PTPRD: variants seen among roughly 807,000 people sequenced by gnomAD.
PTPRD encodes the protein protein tyrosine phosphatase receptor type D.
A neutral mutation model predicts 214.5 loss-of-function variants in PTPRD; 34 were observed. The observed-to-expected ratio is 0.16, with a 90% CI of 0.12 to 0.21. PTPRD has a LOEUF of 0.21. Ranked by LOEUF, PTPRD falls within the 10% of genes least tolerant of loss-of-function variation. PTPRD has a pLI of 1.00. For synonymous variants in PTPRD, 1,128 were observed against 845.7 expected (o/e 1.33, Z -5.79); for missense variants, 2,545 against 2,398.7 (o/e 1.06, Z -1.27).
At chr9:8,506,108 G>C (rs1475868807) in intron 22 of PTPRD, among the ~76,000 whole-genome samples, 1 of 152,164 alleles carries the variant, frequency 6.6e-6, no homozygotes, top group Admixed American at 6.5e-5. Flanking sequence ...GAATAAAACA[G>C]AAGTTTACAA....
chr9:9,184,252 G>C (rs1569559842), intron 9 of PTPRD, among the ~76,000 whole-genome samples: 1 of 152,002 alleles, frequency 6.6e-6, no homozygotes, highest in Non-Finnish European at 1.5e-5. Context: ...CTGTGTCGGA[G>C]AAAATGGCTA....
intron 7 of PTPRD, among the ~76,000 whole-genome samples, chr9:9,623,701 A>T (rs1403415987): frequency 6.6e-6 from 1 of 152,188 alleles, no homozygotes; most frequent in Non-Finnish European, 1.5e-5. Context: ...ACAAATCCAA[A>T]TTCCTGGGTT....
intron 11 of PTPRD, among the ~76,000 whole-genome samples, chr9:8,953,278 G>A (rs1269822989): frequency 6.6e-6 from 1 of 151,804 alleles, no homozygotes; most frequent in African/African-American, 2.4e-5. Flanking sequence ...ATAACTGGCT[G>A]TCCATATGCA....
intron 11 of PTPRD, among the ~76,000 whole-genome samples, chr9:8,957,152 C>T (rs2099135594): frequency 6.6e-6 from 1 of 151,864 alleles, no homozygotes; most frequent in South Asian, 2.1e-4. Context: ...TGACTCTCTC[C>T]TGGCTAGGTT....
At chr9:9,740,384 G>T (rs1376289835) in intron 6 of PTPRD, among the ~76,000 whole-genome samples, 2 of 145,758 alleles carry the variant, frequency 1.4e-5, no homozygotes, top group African/African-American at 5.4e-5. Context: ...TGGAGATGGA[G>T]TCTCGCTCTG....
At chr9:8,341,301 C>G (rs1852198139) in intron 40 of PTPRD, 33 bp from the exon 41 acceptor site, 1 of 1,544,838 alleles carries the variant, frequency 6.5e-7, no homozygotes, top group East Asian at 2.3e-5. Context: ...AAGGAAAAAC[C>G]CAACAAAGAT....
At chr9:8,566,151 T>TGTGTG in intron 14 of PTPRD, among the ~76,000 whole-genome samples, 2 of 147,326 alleles carry the variant, frequency 1.4e-5, no homozygotes, top group Non-Finnish European at 3.0e-5. Flanking sequence ...TATAGCAAGT[T>TGTGTG]TCATTTATAG....
intron 3 of PTPRD, among the ~76,000 whole-genome samples, chr9:10,305,726 C>G (rs1026921468): frequency 1.3e-5 from 2 of 152,122 alleles, no homozygotes; most frequent in African/African-American, 4.8e-5. Flanking sequence ...AATGAGATAC[C>G]TTCTCACTTC....
intron 33 of PTPRD, among the ~76,000 whole-genome samples, chr9:8,456,375 G>C (rs2096202836): frequency 6.6e-6 from 1 of 152,070 alleles, no homozygotes; most frequent in African/African-American, 2.4e-5. Flanking sequence ...CACCCAGAAA[G>C]GCTTGATTTA....
At chr9:9,005,846 T>G (rs2099461649) in intron 11 of PTPRD, among the ~76,000 whole-genome samples, 1 of 151,996 alleles carries the variant, frequency 6.6e-6, no homozygotes, top group Non-Finnish European at 1.5e-5. Context: ...GTTCAGTGGC[T>G]GGGCTACTAT....
intron 5 of PTPRD, among the ~76,000 whole-genome samples, chr9:9,896,896 A>G (rs182718834): frequency 7.3e-4 from 111 of 152,196 alleles, no homozygotes; most frequent in African/African-American, 2.6e-3. Context: ...CTAAGTGACA[A>G]TAATAAAAAT....
At chr9:10,346,083 AAC>A (rs771494703) in intron 2 of PTPRD, among the ~76,000 whole-genome samples, 10 of 152,194 alleles carry the variant, frequency 6.6e-5, no homozygotes, top group Non-Finnish European at 1.0e-4. Context: ...ATTATATTGA[AAC>A]ACAATTTAAA....
intron 8 of PTPRD, among the ~76,000 whole-genome samples, chr9:9,561,237 C>A (rs376219208): frequency 2.6e-5 from 4 of 152,160 alleles, no homozygotes; most frequent in African/African-American, 7.2e-5. Context: ...CTACCCCTGA[C>A]TAAAGCACAG....
chr9:9,612,761 G>T (rs750485437), intron 7 of PTPRD, among the ~76,000 whole-genome samples: 1 of 152,038 alleles, frequency 6.6e-6, no homozygotes, highest in African/African-American at 2.4e-5. Flanking sequence ...AGCAGCCTCT[G>T]CTTGGACTAT....
At chr9:9,635,033 T>C (rs979468046) in intron 7 of PTPRD, among the ~76,000 whole-genome samples, 1 of 152,170 alleles carries the variant, frequency 6.6e-6, no homozygotes, top group Non-Finnish European at 1.5e-5. Context: ...ATTGAGTGAA[T>C]GGTATTTAAA....
At chr9:9,374,172 T>C (rs2060213505) in intron 9 of PTPRD, among the ~76,000 whole-genome samples, 1 of 152,104 alleles carries the variant, frequency 6.6e-6, no homozygotes, top group Non-Finnish European at 1.5e-5. Flanking sequence ...AGATTTTATG[T>C]AAAGTATTCC....
At chr9:10,296,959 G>C (rs962509629) in intron 3 of PTPRD, among the ~76,000 whole-genome samples, 1 of 151,502 alleles carries the variant, frequency 6.6e-6, no homozygotes, top group East Asian at 1.9e-4. Flanking sequence ...TTCTTCATTA[G>C]AAAAGAAGAG....
chr9:8,629,329 G>A (rs963549939), intron 14 of PTPRD, among the ~76,000 whole-genome samples: 2 of 151,784 alleles, frequency 1.3e-5, no homozygotes, highest in Non-Finnish European at 2.9e-5. Flanking sequence ...CATTTTCCCT[G>A]CCTAGTGATT....
In PTPRD at chr9:9,719,788, C is replaced by A. The variant is rs142361181; in HGVS notation, c.-287+14745G>T. The stretch of plus-strand genomic sequence containing the variant: ...GGTTCTGCGGTTTCTGGCATCTCTA[C>A]GCTTTCAGGCGCACTGCATTCCCCT... On this transcript the variant is annotated intron_variant, in intron 7 of 45. Transcript: ENST00000381196. Among the ~76,000 whole-genome samples the A allele has an allele frequency of 1.8e-3, 272 of 152,288 alleles. 1 individual carries two copies. Among genetic ancestry groups the A allele is most frequent in the African/African-American group, 6.1e-3 (255 of 41,566 alleles).
Sources: allele counts gnomAD v4.1 joint callset (sites outside exome capture counted in the v4.1 genomes callset), GRCh38; gene constraint gnomAD v4.1.1; transcripts MANE v1.5; gene names NCBI Gene and HGNC (gene_info 2026-07-23, HGNC 2026-07-21).